Variants in ADCY8 observed in about 807,000 individuals in gnomAD.
ADCY8 encodes adenylate cyclase type 8.
A neutral mutation model predicts 119.7 loss-of-function variants in ADCY8; 51 were observed. That is an observed-to-expected ratio of 0.43 (90% CI 0.34 to 0.54). ADCY8 has a LOEUF of 0.54. ADCY8 is among the 20% of genes least tolerant of loss of function. ADCY8 has a pLI of 0.03. For missense variants in ADCY8, 1,383 were observed against 1,598.8 expected, an observed-to-expected ratio of 0.87 and a Z score of 2.30; for synonymous variants, 665 against 651.0, an observed-to-expected ratio of 1.02 and a Z score of -0.33.
chr8:130,921,449 C>CTTTTTTTTTT (rs35570520), intron 5 of ADCY8, among the ~76,000 whole-genome samples: 1 of 107,632 alleles, frequency 9.3e-6, no homozygotes, highest in African/African-American at 3.5e-5. Context: ...TTTTTCTTTT[C>CTTTTTTTTTT]TTTTTTTTTT....
intron 8 of ADCY8, among the ~76,000 whole-genome samples, chr8:130,878,179 C>G (rs1818636572): frequency 6.6e-6 from 1 of 152,192 alleles, no homozygotes; most frequent in African/African-American, 2.4e-5. Flanking sequence ...GGGTTCAAGT[C>G]AGAATCCAGT....
At chr8:130,962,838 A>C (rs1028108358) in intron 2 of ADCY8, among the ~76,000 whole-genome samples, 5 of 152,198 alleles carry the variant, frequency 3.3e-5, no homozygotes, top group Admixed American at 6.5e-5. Context: ...AAGTGGCATT[A>C]ACTGGAGCCA....
At chr8:131,021,848 C>T (rs1823679119) in intron 1 of ADCY8, among the ~76,000 whole-genome samples, 1 of 152,186 alleles carries the variant, frequency 6.6e-6, no homozygotes, top group Admixed American at 6.5e-5. Context: ...ATTACCCAGT[C>T]TCAGGTATGT....
intron 1 of ADCY8, among the ~76,000 whole-genome samples, chr8:131,035,385 T>C (rs2130815327): frequency 6.6e-6 from 1 of 152,310 alleles, no homozygotes; most frequent in Admixed American, 6.5e-5. Flanking sequence ...ATGTCTGCTC[T>C]AGACAATAAT....
In ADCY8 at chr8:130,853,814, G is replaced by C. The variant is rs1586484925; in HGVS notation, c.2211-4011C>G. Among the ~76,000 whole-genome samples, 6 of 152,214 alleles carry C rather than the reference G, an allele frequency of 3.9e-5. No homozygotes were observed. In the South Asian group the frequency reaches 1.2e-3, roughly 32 times the overall value. ...AGCAAAGTCTTATATGTTTGAACCT[G>C]TAGTTCTGAAGCATAACTAGTAGTG... On this transcript the variant is annotated intron_variant, in intron 9 of 17. Coordinates refer to ENST00000286355, the MANE Select transcript of ADCY8 (RefSeq NM_001115.3).
intron 7 of ADCY8, among the ~76,000 whole-genome samples, chr8:130,902,348 T>C (rs1217418601): frequency 1.3e-5 from 2 of 152,156 alleles, no homozygotes; most frequent in African/African-American, 2.4e-5. Context: ...AACTGTACCA[T>C]GCACACCAAC....
chr8:130,807,048 A>G (rs1815983873), intron 14 of ADCY8, among the ~76,000 whole-genome samples: 1 of 152,222 alleles, frequency 6.6e-6, no homozygotes, highest in African/African-American at 2.4e-5. Context: ...ATGAATATAG[A>G]AAAGCTATTA....
chr8:130,904,740 T>C (rs754266970), intron 6 of ADCY8, among the ~76,000 whole-genome samples: 4 of 152,226 alleles, frequency 2.6e-5, no homozygotes, highest in Admixed American at 1.3e-4. Context: ...TGTCAGCCAC[T>C]GTGGCTCATG....
At position 130,780,481 on chromosome 8, in the gene ADCY8, TTGA is replaced by T. The variant is rs749317524; in HGVS notation, c.3662_3664del (p.Ile1221del). The T allele has an allele frequency of 1.5e-5, 24 of 1,613,986 alleles. No homozygotes were observed. Among genetic ancestry groups the T allele is most frequent in the Non-Finnish European group, 1.9e-5 (22 of 1,179,988 alleles). ...CAAAGTCCGCCGGTTGTAATGACCC[TTGA>T]TGATTCCTGTGTTGTTGTTCTCATT... On this transcript the variant is annotated inframe_deletion, in exon 18 of 18. Coordinates refer to ENST00000286355, the MANE Select transcript of ADCY8 (RefSeq NM_001115.3).
At chr8:130,904,070 A>G (rs1819699240) in intron 6 of ADCY8, 28 bp from the exon 7 acceptor site, 3 of 1,596,034 alleles carry the variant, frequency 1.9e-6, no homozygotes, top group African/African-American at 2.7e-5. Flanking sequence ...AGGTCATTAC[A>G]CACTCCTGAT....
At chr8:131,002,898 A>G (rs1728632914) in intron 1 of ADCY8, among the ~76,000 whole-genome samples, 1 of 152,172 alleles carries the variant, frequency 6.6e-6, no homozygotes. Flanking sequence ...AGGTTTTTAA[A>G]AAAATGAATT....
chr8:130,903,172 C>G (rs775248122), intron 7 of ADCY8, among the ~76,000 whole-genome samples: 2 of 152,058 alleles, frequency 1.3e-5, no homozygotes, highest in Non-Finnish European at 2.9e-5. Flanking sequence ...TGATCTACTC[C>G]TTATGTACTG....
intron 12 of ADCY8, among the ~76,000 whole-genome samples, chr8:130,832,915 G>T (rs937159073): frequency 2.6e-5 from 4 of 152,174 alleles, no homozygotes; most frequent in African/African-American, 9.7e-5. Context: ...ATATGACTTT[G>T]CATATGCAAC....
intron 14 of ADCY8, among the ~76,000 whole-genome samples, chr8:130,813,747 A>G (rs1018174131): frequency 6.6e-6 from 1 of 152,220 alleles, no homozygotes; most frequent in Non-Finnish European, 1.5e-5. Context: ...TATAACCAGA[A>G]GTGAAATTGT....
chr8:130,937,462 G>T (rs967697752), intron 4 of ADCY8, among the ~76,000 whole-genome samples: 1 of 152,186 alleles, frequency 6.6e-6, no homozygotes, highest in Admixed American at 6.5e-5. Context: ...TCCAAGCTTT[G>T]CTATATACTA....
chr8:130,814,470 G>A (rs1816275720), intron 13 of ADCY8, among the ~76,000 whole-genome samples: 1 of 152,208 alleles, frequency 6.6e-6, no homozygotes, highest in South Asian at 2.1e-4. Context: ...ATACTTGTTT[G>A]TGTGATTACC....
intron 5 of ADCY8, among the ~76,000 whole-genome samples, chr8:130,921,423 T>C (rs1408509360): frequency 6.6e-6 from 1 of 151,714 alleles, no homozygotes; most frequent in East Asian, 1.9e-4. Context: ...TGATGTTTAA[T>C]GGTTATCCAT....
rs796880777 is a variant in ADCY8, at chr8:130,869,933, C to T, written c.2110-1987G>A. On this transcript the variant is annotated intron_variant, in intron 8 of 17. Coordinates refer to ENST00000286355, the MANE Select transcript of ADCY8 (RefSeq NM_001115.3). ...CAGTACACTAAAATTCCTCCTCCTC[C>T]TCCTCCTCTTCTTCTTCTTCTTCTT... 2.6e-4 allele frequency among the ~76,000 whole-genome samples: 37 copies of T among 144,648 alleles called. No homozygotes were observed. The East Asian group carries it at 6.3e-3, about 25-fold the overall frequency. The allele number at this position is 144,648 out of a possible 152,430, so 94.9% of individuals were successfully genotyped here. A position where few individuals can be genotyped will look rare whatever the true frequency, so the allele number is the denominator to read the frequency against.
rs10572208 is a variant in ADCY8, at chr8:130,926,940, C to CATATATATATATATATAT, written c.1481+10115_1481+10132dup. Among the ~76,000 whole-genome samples, 161 of 145,076 alleles carry CATATATATATATATATAT rather than the reference C, an allele frequency of 1.1e-3. 2 individuals carry two copies. The highest frequency in any genetic ancestry group is 4.0e-3 in the African/African-American group (153 of 38,126). On this transcript the variant is annotated intron_variant, in intron 5 of 17. Coordinates refer to ENST00000286355, the MANE Select transcript of ADCY8 (RefSeq NM_001115.3). ...TTTATGGTGTAATAGTATTCCATTA[C>CATATATATATATATATAT]ATATATATATATATATATATACACA...
Sources: gnomAD v4.1 joint callset for allele counts (sites outside exome capture counted in the v4.1 genomes callset) on GRCh38, gnomAD v4.1.1 for gene constraint, MANE v1.5 for transcripts, NCBI Gene and HGNC (gene_info 2026-07-23, HGNC 2026-07-21) for gene names.